PPHLN1: variants seen among roughly 807,000 people sequenced by gnomAD.
PPHLN1 encodes periphilin-1.
A neutral mutation model predicts 51.3 loss-of-function variants in PPHLN1; 29 were observed. The observed-to-expected ratio is 0.57, with a 90% CI of 0.42 to 0.77. The LOEUF is 0.77. Among genes scored for constraint, PPHLN1 ranks in the 30% least tolerant of loss-of-function variants. The probability of loss-of-function intolerance (pLI) is 0.00; values close to 1 mark genes in which losing one functional copy is unlikely to be tolerated. For synonymous variants in PPHLN1, 147 were observed against 147.8 expected, an observed-to-expected ratio of 0.99 and a Z score of 0.04; for missense variants, 436 against 438.4, an observed-to-expected ratio of 0.99 and a Z score of 0.05.
chr12:42,396,705 A>T (rs540105859), intron 8 of PPHLN1, among the ~76,000 whole-genome samples: 28 of 146,302 alleles, frequency 1.9e-4, no homozygotes, highest in Admixed American at 2.1e-4. Context: ...TGGGAGGATC[A>T]CTTGAGCCCA....
intron 2 of PPHLN1, among the ~76,000 whole-genome samples, chr12:42,350,788 C>A (rs2073220685): frequency 2.0e-5 from 3 of 152,176 alleles, no homozygotes; most frequent in African/African-American, 7.2e-5. Context: ...CACGGCGAAA[C>A]CCCATCTCCA....
chr12:42,333,011 C>G (rs2070017520), intron 1 of PPHLN1, among the ~76,000 whole-genome samples: 1 of 152,046 alleles, frequency 6.6e-6, no homozygotes, highest in Non-Finnish European at 1.5e-5. Context: ...AATATTCATC[C>G]TCTGCCCAGC....
At chr12:42,404,146 C>T (rs539801653) in intron 9 of PPHLN1, among the ~76,000 whole-genome samples, 1 of 151,928 alleles carries the variant, frequency 6.6e-6, no homozygotes, top group Non-Finnish European at 1.5e-5. Flanking sequence ...TGAAAATTAC[C>T]ATACAGGTGG....
intron 2 of PPHLN1, among the ~76,000 whole-genome samples, chr12:42,341,276 G>T (rs970896315): frequency 6.6e-6 from 1 of 152,052 alleles, no homozygotes; most frequent in Non-Finnish European, 1.5e-5. Flanking sequence ...ATCGTGCCCG[G>T]CTTCTCCGTT....
intron 2 of PPHLN1, among the ~76,000 whole-genome samples, chr12:42,337,443 C>T (rs1054348526): frequency 7.9e-5 from 12 of 151,630 alleles, no homozygotes; most frequent in African/African-American, 1.7e-4. Flanking sequence ...TTACAGGTGC[C>T]CACCACCACA....
At chr12:42,376,764 G>A (rs2076299777) in intron 5 of PPHLN1, among the ~76,000 whole-genome samples, 1 of 151,992 alleles carries the variant, frequency 6.6e-6, no homozygotes, top group African/African-American at 2.4e-5. Context: ...CTCTAACCTG[G>A]GCAACAGAAC....
At chr12:42,416,804 G>A (rs1448934236) in intron 9 of PPHLN1, among the ~76,000 whole-genome samples, 2 of 152,114 alleles carry the variant, frequency 1.3e-5, no homozygotes, top group Non-Finnish European at 2.9e-5. Context: ...TATATAGATT[G>A]TATTTTACTG....
chr12:42,418,644 C>T (rs987217481), intron 9 of PPHLN1, among the ~76,000 whole-genome samples: 10 of 152,066 alleles, frequency 6.6e-5, no homozygotes, highest in African/African-American at 2.4e-4. Context: ...ACTAAGCATT[C>T]TCTCTCTGGC....
At position 42,355,433 on chromosome 12, in the gene PPHLN1, A is replaced by T. The variant is rs941682852; in HGVS notation, c.299+211A>T. The stretch of plus-strand genomic sequence containing the variant: ...ATCTCTTGGCATTTTGTAACTCATA[A>T]AAAAATATTTAAAAATATTTGGGCC... On this transcript the variant is annotated intron_variant, in intron 4 of 9. Coordinates refer to ENST00000358314, the MANE Select transcript of PPHLN1 (RefSeq NM_201439.2). The T allele has an allele frequency of 4.9e-5, 23 of 466,972 alleles. 1 individual carries two copies. The Admixed American group carries it at 5.4e-4, about 11-fold the overall frequency. 28.9% of individuals were successfully genotyped at this position (466,972 alleles called of 1,614,324 possible). A position where few individuals can be genotyped will look rare whatever the true frequency, so the allele number is the denominator to read the frequency against.
intron 9 of PPHLN1, among the ~76,000 whole-genome samples, chr12:42,435,390 G>C (rs2082394896): frequency 6.6e-6 from 1 of 152,188 alleles, no homozygotes; most frequent in African/African-American, 2.4e-5. Flanking sequence ...AACCACCAGT[G>C]TTCTTTTTAG....
chr12:42,345,812 A>G (rs117360030), intron 2 of PPHLN1, among the ~76,000 whole-genome samples: 3,803 of 152,102 alleles, frequency 0.025, 68 homozygotes, highest in Middle Eastern at 0.051. Flanking sequence ...TTAACCTTTT[A>G]AGATAGTCTT....
chr12:42,368,481 A>G lies in PPHLN1; in HGVS notation c.300-6382A>G, dbSNP rs117352792. The stretch of plus-strand genomic sequence containing the variant: ...AGATACCATTCATGTCAGAATTGCT[A>G]TGTCTGGAGAGGTTAGGAAAATGAA... On this transcript the variant is annotated intron_variant, in intron 4 of 9. Coordinates refer to ENST00000358314, the MANE Select transcript of PPHLN1 (RefSeq NM_201439.2). 3.6e-3 allele frequency among the ~76,000 whole-genome samples: 542 copies of G among 152,302 alleles called. 1 individual carries two copies. The highest frequency in any genetic ancestry group is 6.8e-3 in the Middle Eastern group (2 of 294).
intron 5 of PPHLN1, among the ~76,000 whole-genome samples, chr12:42,380,502 A>G (rs1339313936): frequency 1.3e-5 from 2 of 152,144 alleles, no homozygotes; most frequent in Non-Finnish European, 2.9e-5. Flanking sequence ...TGAGACAAGT[A>G]TATTTGGAAG....
At chr12:42,332,298 T>C (rs906039892) in intron 1 of PPHLN1, among the ~76,000 whole-genome samples, 3 of 152,212 alleles carry the variant, frequency 2.0e-5, no homozygotes, top group African/African-American at 7.2e-5. Flanking sequence ...AGATGGTAAT[T>C]TTCATCATAC....
intron 3 of PPHLN1, among the ~76,000 whole-genome samples, chr12:42,354,304 C>T (rs1189027182): frequency 1.3e-5 from 2 of 152,128 alleles, no homozygotes; most frequent in Admixed American, 6.5e-5. Flanking sequence ...GTACAACCTC[C>T]GGCTCTTGGG....
At position 42,441,702 on chromosome 12, in the gene PPHLN1, G is replaced by A. The variant is rs749038284; in HGVS notation, c.*193G>A. 3 of 1,254,986 alleles carry A rather than the reference G, an allele frequency of 2.4e-6. No homozygotes were observed. The highest frequency in any genetic ancestry group is 1.5e-5 in the African/African-American group (1 of 64,520). 77.7% of individuals were successfully genotyped at this position (1,254,986 alleles called of 1,614,324 possible). On this transcript the variant is annotated 3_prime_UTR_variant, in exon 10 of 10. Transcript: ENST00000358314. Reference sequence around the variant, plus strand: ...TTTGATTCAAATTTTTGTATTTTTTGTAGAGATGGGGTTCACCATGTTGGC... The same window carrying A: ...TTTGATTCAAATTTTTGTATTTTTTATAGAGATGGGGTTCACCATGTTGGC...
At chr12:42,364,848 G>A (rs1262641285) in intron 4 of PPHLN1, among the ~76,000 whole-genome samples, 2 of 152,210 alleles carry the variant, frequency 1.3e-5, no homozygotes, top group African/African-American at 4.8e-5. Context: ...TTGGACCTGG[G>A]AGGCGGAGTT....
intron 1 of PPHLN1, chr12:42,332,576 A>C: frequency 1.1e-6 from 1 of 921,878 alleles, no homozygotes. Context: ...CTGTTTATAC[A>C]ATTAATGAAG....
At chr12:42,360,110 C>CCATCTCAAAAA (rs2074459768) in intron 4 of PPHLN1, among the ~76,000 whole-genome samples, 1 of 123,126 alleles carries the variant, frequency 8.1e-6, no homozygotes, top group Admixed American at 8.5e-5. Flanking sequence ...GACTCCATCT[C>CCATCTCAAAAA]AAAAAAAAAA....
Sources: allele counts gnomAD v4.1 joint callset (sites outside exome capture counted in the v4.1 genomes callset), GRCh38; gene constraint gnomAD v4.1.1; transcripts MANE v1.5; gene names NCBI Gene and HGNC (gene_info 2026-07-23, HGNC 2026-07-21).